Variants in STK32A observed in about 807,000 individuals in gnomAD.
The protein encoded by STK32A is serine/threonine-protein kinase 32A.
STK32A carries 41 observed loss-of-function variants against 53.2 expected under a neutral mutation model. That is an observed-to-expected ratio of 0.77 (90% CI 0.60 to 1.00). The LOEUF (loss-of-function observed/expected upper bound fraction) is 1.00. Among genes scored for constraint, STK32A ranks in the 50% least tolerant of loss-of-function variants. The pLI, the probability that STK32A is intolerant of heterozygous loss-of-function variation, is 0.00. For synonymous variants in STK32A, 166 were observed against 162.8 expected (o/e 1.02, Z -0.15); for missense variants, 458 against 485.8 (o/e 0.94, Z 0.54).
At chr5:147,350,059 C>T (rs1327154603) in intron 6 of STK32A, among the ~76,000 whole-genome samples, 4 of 150,904 alleles carry the variant, frequency 2.7e-5, no homozygotes, top group Non-Finnish European at 2.9e-5. Flanking sequence ...TGCAGTGAGC[C>T]GAGAGCACAC....
the STK32A span, chr5:147,401,390 C>T: frequency 3.6e-5 from 31 of 864,444 alleles, no homozygotes; most frequent in African/African-American, 1.2e-4. Flanking sequence ...CTGCTTTCTA[C>T]GCTCAAGACT....
At chr5:147,265,199 G>A (rs890666621) in intron 2 of STK32A, among the ~76,000 whole-genome samples, 8 of 150,654 alleles carry the variant, frequency 5.3e-5, no homozygotes, top group Admixed American at 4.6e-4. Context: ...GCTCAGAAAA[G>A]TCAGATAAAT....
intron 6 of STK32A, among the ~76,000 whole-genome samples, chr5:147,345,986 C>T (rs980017172): frequency 7.2e-5 from 11 of 152,090 alleles, no homozygotes; most frequent in African/African-American, 2.7e-4. Flanking sequence ...TAAACATTGC[C>T]TTAGGGATCT....
In STK32A at chr5:147,342,990, C is replaced by T. The variant is rs779177980; in HGVS notation, c.435-16C>T. 3 of 1,611,972 alleles carry T rather than the reference C, an allele frequency of 1.9e-6. No homozygotes were observed. Among genetic ancestry groups the T allele is most frequent in the Middle Eastern group, 1.7e-4 (1 of 6,046 alleles). ...TTTATTGTGAGCAACTTTCTTTTTT[C>T]TTTTTACTCCTCTAGGGATATGAAG... On this transcript the variant is annotated splice_polypyrimidine_tract_variant and intron_variant, in intron 5 of 12. Coordinates refer to ENST00000397936, the MANE Select transcript of STK32A (RefSeq NM_001112724.2).
chr5:147,337,718 G>A (rs1171950327), intron 5 of STK32A, among the ~76,000 whole-genome samples: 3 of 152,044 alleles, frequency 2.0e-5, no homozygotes, highest in Non-Finnish European at 4.4e-5. Flanking sequence ...TTGGGGGTTG[G>A]GGGTTGAGAG....
intron 4 of STK32A, among the ~76,000 whole-genome samples, chr5:147,294,287 C>CA (rs1232323326): frequency 1.3e-5 from 2 of 152,146 alleles, no homozygotes; most frequent in Non-Finnish European, 2.9e-5. Flanking sequence ...TATTTTGAGA[C>CA]AGAGTCTCAC....
chr5:147,384,196 G>A lies in STK32A; in HGVS notation c.*213G>A. On this transcript the variant is annotated 3_prime_UTR_variant, in exon 13 of 13. Transcript: ENST00000397936. ...ACATCAATCAACTGTGTGATCTAGAGCAAGTCACTTAGCCACTTTCTGTGC... is the reference window on the plus strand; with the variant it reads ...ACATCAATCAACTGTGTGATCTAGAACAAGTCACTTAGCCACTTTCTGTGC... 5 of 1,415,210 alleles carry A rather than the reference G, an allele frequency of 3.5e-6. 1 individual carries two copies. In the South Asian group the frequency reaches 6.6e-5, roughly 19 times the overall value. 87.7% of individuals were successfully genotyped at this position (1,415,210 alleles called of 1,614,324 possible). A position where few individuals can be genotyped will look rare whatever the true frequency, so the allele number is the denominator to read the frequency against.
intron 4 of STK32A, among the ~76,000 whole-genome samples, chr5:147,322,349 T>A (rs1754364104): frequency 6.6e-6 from 1 of 152,254 alleles, no homozygotes; most frequent in African/African-American, 2.4e-5. Flanking sequence ...AACAAAATTT[T>A]ATTTATTGAA....
At chr5:147,348,919 G>A in intron 6 of STK32A, 1 of 546,226 alleles carries the variant, frequency 1.8e-6, no homozygotes, top group Non-Finnish European at 3.3e-6. Context: ...CAACTTTACA[G>A]AGAGGATAAG....
intron 2 of STK32A, among the ~76,000 whole-genome samples, chr5:147,274,284 C>T (rs1464541205): frequency 1.3e-5 from 2 of 152,168 alleles, no homozygotes; most frequent in African/African-American, 2.4e-5. Flanking sequence ...GCCACATACC[C>T]TAGCCCAGCC....
intron 4 of STK32A, among the ~76,000 whole-genome samples, chr5:147,317,830 A>G (rs1338966420): frequency 6.6e-6 from 1 of 152,184 alleles, no homozygotes; most frequent in Non-Finnish European, 1.5e-5. Flanking sequence ...AATAAAAAAG[A>G]TTGAGGATCT....
In STK32A at chr5:147,370,699, C is replaced by T; in HGVS notation, c.706C>T (p.His236Tyr). ...RSSTSSKEIV[H>Y]TFETTVVTYP... ...CAGTACTTCCAGCAAGGAAATTGTA[C>T]ACACGTTTGAGACGACTGTTGTAAC... Residue 236 changes from histidine to tyrosine, a missense_variant, in exon 9 of 13, where the codon CAC becomes TAC. Coordinates refer to ENST00000397936, the MANE Select transcript of STK32A (RefSeq NM_001112724.2). The T allele has an allele frequency of 1.2e-6, 2 of 1,612,452 alleles. No individual in the cohort carries two copies. Among genetic ancestry groups the T allele is most frequent in the Non-Finnish European group, 1.7e-6 (2 of 1,178,776 alleles).
intron 5 of STK32A, among the ~76,000 whole-genome samples, chr5:147,331,251 T>A (rs1188571346): frequency 1.3e-5 from 2 of 152,214 alleles, no homozygotes; most frequent in Non-Finnish European, 2.9e-5. Flanking sequence ...TTTTAATGAC[T>A]TAATAGGAGC....
chr5:147,372,997 A>C (rs764837918), intron 9 of STK32A, among the ~76,000 whole-genome samples, 172 bp from the exon 10 acceptor site: 34 of 152,162 alleles, frequency 2.2e-4, no homozygotes, highest in Non-Finnish European at 4.4e-4. Context: ...AGAATCCTAC[A>C]TACTGTTCAT....
chr5:147,270,746 A>G (rs1038760933), intron 2 of STK32A, among the ~76,000 whole-genome samples: 13 of 152,222 alleles, frequency 8.5e-5, no homozygotes, highest in Non-Finnish European at 1.9e-4. Context: ...CAATAATTCA[A>G]TCTTTTTCAC....
chr5:147,396,760 AT>A, the STK32A span, among the ~76,000 whole-genome samples: 12 of 151,992 alleles, frequency 7.9e-5, no homozygotes, highest in African/African-American at 2.4e-4. Context: ...CTCCTTCTCT[AT>A]TAGGCCCAAA....
intron 5 of STK32A, among the ~76,000 whole-genome samples, chr5:147,336,247 C>T (rs1450461760): frequency 6.6e-6 from 1 of 152,140 alleles, no homozygotes; most frequent in East Asian, 1.9e-4. Flanking sequence ...TGGTCTGGCC[C>T]TATCAGTTGT....
chr5:147,253,527 AT>A (rs1012534055), intron 2 of STK32A, among the ~76,000 whole-genome samples: 5 of 151,968 alleles, frequency 3.3e-5, no homozygotes, highest in African/African-American at 1.2e-4. Flanking sequence ...TAATTTTTGC[AT>A]TTTTTTGGTA....
chr5:147,353,708 C>T (rs1308893905), intron 7 of STK32A, among the ~76,000 whole-genome samples: 2 of 151,940 alleles, frequency 1.3e-5, no homozygotes, highest in East Asian at 1.9e-4. Flanking sequence ...TGCAGTGAGC[C>T]GAGACTGTGT....
Sources: gnomAD v4.1 joint callset for allele counts (sites outside exome capture counted in the v4.1 genomes callset) on GRCh38, gnomAD v4.1.1 for gene constraint, MANE v1.5 for transcripts, NCBI Gene and HGNC (gene_info 2026-07-23, HGNC 2026-07-21) for gene names.